COL23A1: variants seen among roughly 807,000 people sequenced by gnomAD.
The protein encoded by COL23A1 is collagen alpha-1(XXIII) chain.
Under a neutral mutation model 99.3 loss-of-function variants are expected in COL23A1, and 97 were observed. The ratio of observed to expected loss-of-function variants is 0.98; its 90% CI spans 0.83 to 1.16. The LOEUF (loss-of-function observed/expected upper bound fraction) is 1.16. COL23A1 is among the 50% of genes most tolerant of loss of function. The pLI, the probability that COL23A1 is intolerant of heterozygous loss-of-function variation, is 0.00. For synonymous variants in COL23A1, 320 were observed against 308.2 expected (o/e 1.04, Z -0.40); for missense variants, 762 against 757.4 (o/e 1.01, Z -0.07).
intron 17 of COL23A1, among the ~76,000 whole-genome samples, chr5:178,251,395 A>G (rs1002475585): frequency 6.6e-6 from 1 of 152,308 alleles, no homozygotes; most frequent in African/African-American, 2.4e-5. Flanking sequence ...AACTAAAACA[A>G]AAAAGCAAGA....
chr5:178,547,087 G>C (rs1239072743), intron 2 of COL23A1, among the ~76,000 whole-genome samples: 3 of 152,170 alleles, frequency 2.0e-5, no homozygotes, highest in Non-Finnish European at 4.4e-5. Context: ...AAGTAAAACA[G>C]GAAATGTCAG....
At chr5:178,471,016 G>A (rs1246112914) in intron 2 of COL23A1, among the ~76,000 whole-genome samples, 1 of 152,210 alleles carries the variant, frequency 6.6e-6, no homozygotes, top group African/African-American at 2.4e-5. Flanking sequence ...TGCACGAAGT[G>A]GTTCTGAAAA....
chr5:178,480,455 T>C (rs973847222), intron 2 of COL23A1, among the ~76,000 whole-genome samples: 5 of 152,168 alleles, frequency 3.3e-5, no homozygotes, highest in Admixed American at 3.3e-4. Context: ...CTGAACCTGG[T>C]GCACCTCCCA....
At chr5:178,242,293 C>G in intron 26 of COL23A1, 48 bp downstream of exon 26, 1 of 1,595,168 alleles carries the variant, frequency 6.3e-7, no homozygotes, top group Non-Finnish European at 8.6e-7. Context: ...TCCCACCTGC[C>G]TCCTTCCCCC....
intron 2 of COL23A1, among the ~76,000 whole-genome samples, chr5:178,491,881 C>A (rs1757953730): frequency 1.3e-5 from 2 of 152,056 alleles, no homozygotes; most frequent in South Asian, 4.1e-4. Flanking sequence ...ATTACAGGCA[C>A]CTGCCACCAC....
At chr5:178,239,265 G>T in intron 27 of COL23A1, 86 bp from the exon 28 acceptor site, 1 of 1,495,828 alleles carries the variant, frequency 6.7e-7, no homozygotes, top group Non-Finnish European at 9.3e-7. Context: ...TCTGTAGGGA[G>T]GTGCAGGCCA....
intron 2 of COL23A1, among the ~76,000 whole-genome samples, chr5:178,413,875 T>C (rs1765170718): frequency 6.6e-6 from 1 of 152,164 alleles, no homozygotes; most frequent in Non-Finnish European, 1.5e-5. Flanking sequence ...TGGGTGGGTG[T>C]CAGTTTCCTC....
chr5:178,289,249 C>G lies in COL23A1; in HGVS notation c.415-899G>C, dbSNP rs568539409. 3.9e-5 allele frequency among the ~76,000 whole-genome samples: 6 copies of G among 152,246 alleles called. No individual in the cohort carries two copies. In the East Asian group the frequency reaches 1.2e-3, roughly 29 times the overall value. Reference sequence around the variant, plus strand: ...ATCTGAAAGGAATTCCTTGAGAAGGCTGATTTTGGCTCTGACTGTCAATGT... The same window carrying G: ...ATCTGAAAGGAATTCCTTGAGAAGGGTGATTTTGGCTCTGACTGTCAATGT... On this transcript the variant is annotated intron_variant, in intron 4 of 28. Coordinates refer to ENST00000390654, the MANE Select transcript of COL23A1 (RefSeq NM_173465.4).
intron 1 of COL23A1, among the ~76,000 whole-genome samples, chr5:178,583,850 C>A (rs1282516101): frequency 1.3e-5 from 2 of 152,130 alleles, no homozygotes; most frequent in East Asian, 1.9e-4. Flanking sequence ...TAATTAATAA[C>A]CCCCTGCTTT....
intron 2 of COL23A1, among the ~76,000 whole-genome samples, chr5:178,334,402 A>C (rs1333193280): frequency 6.6e-6 from 1 of 152,266 alleles, no homozygotes; most frequent in Non-Finnish European, 1.5e-5. Context: ...GTTTGTGGGC[A>C]GGAAGGGGGC....
At chr5:178,521,145 C>G (rs1275324081) in intron 2 of COL23A1, among the ~76,000 whole-genome samples, 1 of 152,162 alleles carries the variant, frequency 6.6e-6, no homozygotes, top group African/African-American at 2.4e-5. Context: ...CTAAACATAC[C>G]TAAACATATA....
chr5:178,299,775 ACTGAGACTGGCT>A (rs1757932484), intron 3 of COL23A1, among the ~76,000 whole-genome samples: 1 of 151,238 alleles, frequency 6.6e-6, no homozygotes, highest in South Asian at 2.1e-4. Context: ...TTTATTTGAG[ACTGAGACTGGCT>A]CTGTCACCCA....
intron 2 of COL23A1, among the ~76,000 whole-genome samples, chr5:178,372,576 C>G (rs974043980): frequency 6.6e-6 from 1 of 152,106 alleles, no homozygotes; most frequent in South Asian, 2.1e-4. Flanking sequence ...CTTCCGATTT[C>G]TTTTTTCCTT....
At chr5:178,300,731 A>ATTTATTTT (rs1554134202) in intron 3 of COL23A1, among the ~76,000 whole-genome samples, 1 of 150,342 alleles carries the variant, frequency 6.7e-6, no homozygotes, top group Non-Finnish European at 1.5e-5. Flanking sequence ...GTATTTATTT[A>ATTTATTTT]TTTATTTTTT....
chr5:178,529,017 G>A (rs981450953), intron 2 of COL23A1, among the ~76,000 whole-genome samples: 4 of 152,234 alleles, frequency 2.6e-5, no homozygotes, highest in South Asian at 4.1e-4. Context: ...TGTTTCTCAG[G>A]ATTCTATGGC....
chr5:178,368,396 C>A (rs1471091707), intron 2 of COL23A1, among the ~76,000 whole-genome samples: 1 of 152,186 alleles, frequency 6.6e-6, no homozygotes, highest in Non-Finnish European at 1.5e-5. Flanking sequence ...TGATCAGCAT[C>A]CCCACCAGAG....
At chr5:178,369,814 A>G (rs2127719841) in intron 2 of COL23A1, among the ~76,000 whole-genome samples, 1 of 152,340 alleles carries the variant, frequency 6.6e-6, no homozygotes, top group South Asian at 2.1e-4. Flanking sequence ...AGTCTCAGGT[A>G]TGTCTTTATC....
At chr5:178,408,974 ATAC>A (rs1372966845) in intron 2 of COL23A1, among the ~76,000 whole-genome samples, 94 of 56,074 alleles carry the variant, frequency 1.7e-3, no homozygotes, top group African/African-American at 5.9e-3. Context: ...AAAAAAAAAA[ATAC>A]ACACACACAC....
chr5:178,439,691 C>A lies in COL23A1; in HGVS notation c.361+120991G>T, dbSNP rs1367343886. On this transcript the variant is annotated intron_variant, in intron 2 of 28. Transcript: ENST00000390654. The surrounding 1 kb of genome is among the most constrained non-coding windows in gnomAD (Gnocchi z 4.2). Reference sequence around the variant, plus strand: ...ACGTTCACCATGCAGTGCAGCAACTCCGCTCCTAGGATCTCCCCGGGAGAA... The same window carrying A: ...ACGTTCACCATGCAGTGCAGCAACTACGCTCCTAGGATCTCCCCGGGAGAA... 1.3e-5 allele frequency: 2 copies of A among 152,340 alleles called. No individual in the cohort carries two copies. The highest frequency in any genetic ancestry group is 4.1e-4 in the South Asian group (2 of 4,830). The allele number at this position is 152,340 out of a possible 1,614,324, so 9.4% of individuals were successfully genotyped here. A position where few individuals can be genotyped will look rare whatever the true frequency, so the allele number is the denominator to read the frequency against.
Sources: gnomAD v4.1 joint callset for allele counts (sites outside exome capture counted in the v4.1 genomes callset) on GRCh38, gnomAD v4.1.1 for gene constraint, Gnocchi (gnomAD v3.1) non-coding constraint, MANE v1.5 for transcripts, NCBI Gene and HGNC (gene_info 2026-07-23, HGNC 2026-07-21) for gene names.